LIN7A: variants seen among roughly 807,000 people sequenced by gnomAD.
The protein encoded by LIN7A is lin-7 cell polarity scaffold A.
LIN7A carries 25 observed loss-of-function variants against 29.8 expected under a neutral mutation model. The observed-to-expected ratio is 0.84, with a 90% CI of 0.61 to 1.17. The LOEUF is 1.17. Ranked by LOEUF, LIN7A falls within the 50% of genes most tolerant of loss-of-function variation. The pLI is 0.00. For missense variants in LIN7A, 239 were observed against 287.0 expected (o/e 0.83, Z 1.21); for synonymous variants, 118 against 107.5 (o/e 1.10, Z -0.60).
chr12:80,820,350 A>G (rs908403538), intron 4 of LIN7A, among the ~76,000 whole-genome samples: 5 of 152,230 alleles, frequency 3.3e-5, no homozygotes, highest in Admixed American at 2.6e-4. Context: ...TTTTTGGACC[A>G]TGAAAGTGGA....
intron 5 of LIN7A, among the ~76,000 whole-genome samples, chr12:80,801,143 A>G (rs539098389): frequency 6.6e-6 from 1 of 152,256 alleles, no homozygotes; most frequent in Non-Finnish European, 1.5e-5. Flanking sequence ...GTGTACTAAA[A>G]TGAAGTGAGA....
At chr12:80,805,524 G>A (rs1808108404) in intron 5 of LIN7A, among the ~76,000 whole-genome samples, 1 of 152,118 alleles carries the variant, frequency 6.6e-6, no homozygotes, top group African/African-American at 2.4e-5. Context: ...CCTAGATCTA[G>A]CCATGGAGGT....
At chr12:80,842,801 T>C (rs2121547731) in intron 4 of LIN7A, among the ~76,000 whole-genome samples, 1 of 152,244 alleles carries the variant, frequency 6.6e-6, no homozygotes, top group African/African-American at 2.4e-5. Context: ...AACTGCTTTT[T>C]GATGAACACC....
At chr12:80,846,812 C>A (rs1482229176) in intron 3 of LIN7A, among the ~76,000 whole-genome samples, 1 of 152,112 alleles carries the variant, frequency 6.6e-6, no homozygotes, top group Non-Finnish European at 1.5e-5. Flanking sequence ...CCCACTAACC[C>A]CATAGAAATA....
At chr12:80,930,007 A>G (rs17007699) in intron 1 of LIN7A, among the ~76,000 whole-genome samples, 17,947 of 152,166 alleles carry the variant, frequency 0.12, 1,132 homozygotes, top group African/African-American at 0.15. Context: ...TCTTATAGCC[A>G]TGTTGTGACT....
At chr12:80,911,833 C>T (rs1239908104) in intron 1 of LIN7A, among the ~76,000 whole-genome samples, 1 of 152,100 alleles carries the variant, frequency 6.6e-6, no homozygotes, top group Non-Finnish European at 1.5e-5. Context: ...ACAAATTACT[C>T]ATACATAAAC....
intron 1 of LIN7A, among the ~76,000 whole-genome samples, chr12:80,904,777 G>A (rs907755958): frequency 6.6e-6 from 1 of 152,138 alleles, no homozygotes; most frequent in African/African-American, 2.4e-5. Context: ...TGTCTTGGGG[G>A]TGGAACCCAA....
chr12:80,842,491 C>A (rs920272635), intron 4 of LIN7A, among the ~76,000 whole-genome samples: 59 of 152,112 alleles, frequency 3.9e-4, no homozygotes, highest in African/African-American at 1.4e-3. Flanking sequence ...CACTTCCTTT[C>A]ATAATTTCTC....
At chr12:80,831,861 T>C (rs2121527922) in intron 4 of LIN7A, among the ~76,000 whole-genome samples, 1 of 152,316 alleles carries the variant, frequency 6.6e-6, no homozygotes, top group East Asian at 1.9e-4. Context: ...AGCAAAATAA[T>C]AATTATCATG....
intron 4 of LIN7A, among the ~76,000 whole-genome samples, chr12:80,823,119 C>T (rs550956937): frequency 4.6e-5 from 7 of 152,196 alleles, no homozygotes; most frequent in South Asian, 2.1e-4. Flanking sequence ...AGCACCTCTT[C>T]GCTTTGCTCA....
At chr12:80,875,477 G>A (rs946455547) in intron 2 of LIN7A, among the ~76,000 whole-genome samples, 2 of 152,032 alleles carry the variant, frequency 1.3e-5, no homozygotes, top group African/African-American at 2.4e-5. Context: ...TCATAAGAAC[G>A]TACATATTTA....
intron 2 of LIN7A, among the ~76,000 whole-genome samples, chr12:80,849,953 A>T (rs1349259876): frequency 2.0e-5 from 3 of 152,170 alleles, no homozygotes; most frequent in Non-Finnish European, 4.4e-5. Context: ...ATTGCCAGGG[A>T]AAGTGACTTT....
intron 2 of LIN7A, among the ~76,000 whole-genome samples, chr12:80,863,168 G>A (rs887490338): frequency 6.6e-6 from 1 of 152,210 alleles, no homozygotes; most frequent in Non-Finnish European, 1.5e-5. Context: ...GGAAGGAAAG[G>A]AAGAAGATAT....
intron 1 of LIN7A, among the ~76,000 whole-genome samples, chr12:80,894,731 A>T (rs541458211): frequency 6.6e-6 from 1 of 152,326 alleles, no homozygotes; most frequent in East Asian, 1.9e-4. Flanking sequence ...AATGCACTCT[A>T]CAGATCACTG....
chr12:80,856,023 C>T (rs207473158), intron 2 of LIN7A, among the ~76,000 whole-genome samples: 1 of 152,040 alleles, frequency 6.6e-6, no homozygotes, highest in African/African-American at 2.4e-5. Context: ...TTGTTTAAAA[C>T]TGTAGTGTTA....
chr12:80,903,803 TCAA>T (rs1387866673), intron 1 of LIN7A, among the ~76,000 whole-genome samples: 2 of 152,116 alleles, frequency 1.3e-5, no homozygotes, highest in Non-Finnish European at 2.9e-5. Flanking sequence ...TACAGTCCTA[TCAA>T]CAATGTATAA....
chr12:80,885,199 C>A (rs1003161439), intron 2 of LIN7A, among the ~76,000 whole-genome samples: 1 of 151,974 alleles, frequency 6.6e-6, no homozygotes, highest in Non-Finnish European at 1.5e-5. Flanking sequence ...CAGTTGTCTT[C>A]GGGAATTCTC....
At chr12:80,798,382 C>T (rs1870554015) in intron 5 of LIN7A, among the ~76,000 whole-genome samples, 1 of 152,096 alleles carries the variant, frequency 6.6e-6, no homozygotes, top group Admixed American at 6.6e-5. Flanking sequence ...ATGCCAAGCA[C>T]CATATTGAAA....
chr12:80,839,933 A>C (rs1210168980), intron 4 of LIN7A, among the ~76,000 whole-genome samples: 2 of 152,232 alleles, frequency 1.3e-5, no homozygotes, highest in African/African-American at 4.8e-5. Flanking sequence ...TTTAACTGTA[A>C]AGCTAGGTAA....
Sources: gnomAD v4.1 joint callset for allele counts (sites outside exome capture counted in the v4.1 genomes callset) on GRCh38, gnomAD v4.1.1 for gene constraint, MANE v1.5 for transcripts, NCBI Gene and HGNC (gene_info 2026-07-23, HGNC 2026-07-21) for gene names.